Variants in ADGRL2 observed in about 807,000 individuals in gnomAD.
ADGRL2 encodes adhesion G protein-coupled receptor L2, also known as calcium-independent alpha-latrotoxin receptor 2.
Under a neutral mutation model 157.4 loss-of-function variants are expected in ADGRL2, and 44 were observed. The ratio of observed to expected loss-of-function variants is 0.28; its 90% CI spans 0.22 to 0.36. The LOEUF is 0.36. Ranked by LOEUF, ADGRL2 falls within the 10% of genes least tolerant of loss-of-function variation. ADGRL2 has a pLI of 1.00. For missense variants in ADGRL2, 1,510 were observed against 1,768.9 expected (o/e 0.85, Z 2.63); for synonymous variants, 585 against 624.7 (o/e 0.94, Z 0.95).
intron 2 of ADGRL2, among the ~76,000 whole-genome samples, chr1:81,524,037 C>A (rs1214225347): frequency 2.0e-5 from 3 of 151,036 alleles, no homozygotes; most frequent in Non-Finnish European, 4.4e-5. Flanking sequence ...TGCACTCCAG[C>A]TGGGTGACGG....
At chr1:81,490,454 A>G (rs2078607858) in intron 2 of ADGRL2, among the ~76,000 whole-genome samples, 1 of 152,160 alleles carries the variant, frequency 6.6e-6, no homozygotes, top group Admixed American at 6.6e-5. Flanking sequence ...CCTAAAAATT[A>G]TTAGAAAAAG....
chr1:81,966,676 G>C (rs1189840254), intron 13 of ADGRL2, 67 bp downstream of exon 13: 48 of 1,380,784 alleles, frequency 3.5e-5, no homozygotes, highest in Non-Finnish European at 4.9e-5. Flanking sequence ...AAGCAAAACT[G>C]AGGTGCTGGG....
intron 2 of ADGRL2, among the ~76,000 whole-genome samples, chr1:81,777,341 T>C (rs1413277693): frequency 6.6e-6 from 1 of 152,250 alleles, no homozygotes; most frequent in African/African-American, 2.4e-5. Flanking sequence ...TCCTCATTTT[T>C]TCCCCCAGGA....
At chr1:81,948,918 A>G (rs1049325511) in intron 6 of ADGRL2, among the ~76,000 whole-genome samples, 1 of 152,210 alleles carries the variant, frequency 6.6e-6, no homozygotes, top group Non-Finnish European at 1.5e-5. Context: ...ATGTCACACT[A>G]CTTTTTCGTA....
intron 1 of ADGRL2, among the ~76,000 whole-genome samples, chr1:81,397,980 ATATATCTGGTGCTTG>A (rs1285034603): frequency 6.6e-6 from 1 of 152,128 alleles, no homozygotes; most frequent in Non-Finnish European, 1.5e-5. Context: ...CATTTGTTTT[ATATATCTGGTGCTTG>A]GCTTCGGGGT....
chr1:81,414,198 T>C (rs948577631), intron 1 of ADGRL2: 2 of 152,092 alleles, frequency 1.3e-5, no homozygotes, highest in Admixed American at 1.3e-4. Context: ...TCCCTTTAAC[T>C]CCTGAAGACA....
chr1:81,645,319 G>C (rs1323350237), intron 3 of ADGRL2, among the ~76,000 whole-genome samples: 2 of 148,228 alleles, frequency 1.3e-5, no homozygotes, highest in South Asian at 4.2e-4. Context: ...TTGAGGCCAG[G>C]AGTTGGAGGT....
At chr1:81,827,608 T>C (rs544259804) in intron 1 of ADGRL2, among the ~76,000 whole-genome samples, 2 of 152,322 alleles carry the variant, frequency 1.3e-5, no homozygotes, top group South Asian at 4.1e-4. Flanking sequence ...CTTCGTCACC[T>C]GGGCTGGATT....
At chr1:81,548,783 A>G (rs952696754) in intron 2 of ADGRL2, among the ~76,000 whole-genome samples, 2 of 152,182 alleles carry the variant, frequency 1.3e-5, no homozygotes, top group African/African-American at 4.8e-5. Flanking sequence ...GTGAGTCCCA[A>G]ATTCTTGAAT....
rs533654243 is a variant in ADGRL2, at chr1:81,721,034, C to CTT, written c.-143+21242_-143+21243dup. ...AACTATATAAAATTTAAACAATTTC[C>CTT]TTTTTTTTTTTTTTTTTAATAGAGC... On this transcript the variant is annotated intron_variant, in intron 1 of 20. Transcript: ENST00000359929. Among the ~76,000 whole-genome samples, 644 of 133,208 alleles carry CTT rather than the reference C, an allele frequency of 4.8e-3. 5 individuals carry two copies. The highest frequency in any genetic ancestry group is 0.015 in the African/African-American group (526 of 36,018). 87.4% of individuals were successfully genotyped at this position (133,208 alleles called of 152,430 possible). A position where few individuals can be genotyped will look rare whatever the true frequency, so the allele number is the denominator to read the frequency against.
rs146342693 is a variant in ADGRL2 at position 81,427,750 on chromosome 1, G to T, written c.-301-17286G>T. 2.1e-3 allele frequency: 762 copies of T among 367,096 alleles called. 3 individuals carry two copies. The highest frequency in any genetic ancestry group is 0.014 in the African/African-American group (661 of 48,252). 22.7% of individuals were successfully genotyped at this position (367,096 alleles called of 1,614,324 possible). A position where few individuals can be genotyped will look rare whatever the true frequency, so the allele number is the denominator to read the frequency against. On this transcript the variant is annotated intron_variant, in intron 1 of 24. Transcript: ENST00000370721. Reference sequence around the variant, plus strand: ...CTGCCAGAGGGAACAATGATCCATAGTCAGAAAAGTTACTGCAGCTTAAAC... The same window carrying T: ...CTGCCAGAGGGAACAATGATCCATATTCAGAAAAGTTACTGCAGCTTAAAC...
At chr1:81,576,037 A>C (rs369681320) in intron 2 of ADGRL2, among the ~76,000 whole-genome samples, 14 of 152,112 alleles carry the variant, frequency 9.2e-5, no homozygotes, top group African/African-American at 3.4e-4. Flanking sequence ...GGGATTTAAA[A>C]ATTGATGGAA....
intron 3 of ADGRL2, among the ~76,000 whole-genome samples, chr1:81,644,680 G>A (rs1254350338): frequency 2.0e-5 from 3 of 152,110 alleles, no homozygotes; most frequent in African/African-American, 7.2e-5. Context: ...AAAATCAAGA[G>A]TGAACCCTAA....
At position 81,801,068 on chromosome 1, in the gene ADGRL2, C is replaced by G. The variant is rs925684737; in HGVS notation, c.-101C>G. Reference sequence around the variant, plus strand: ...CACCGCCGTCCGAAGGGCTCGAGCCCGTAAGTATCCCCTTTCGCTCCTCCT... The same window carrying G: ...CACCGCCGTCCGAAGGGCTCGAGCCGGTAAGTATCCCCTTTCGCTCCTCCT... On this transcript the variant is annotated splice_region_variant and 5_prime_UTR_variant, in exon 1 of 24. Transcript: ENST00000686636. 6.6e-6 allele frequency among the ~76,000 whole-genome samples: 1 copy of G among 151,884 alleles called. No homozygotes were observed. Among genetic ancestry groups the G allele is most frequent in the South Asian group, 2.1e-4 (1 of 4,830 alleles).
At position 81,498,754 on chromosome 1, in the gene ADGRL2, C is replaced by G. The variant is rs146729420; in HGVS notation, c.-248+53665C>G. Among the ~76,000 whole-genome samples, 1,230 of 152,074 alleles carry G rather than the reference C, an allele frequency of 8.1e-3. 18 individuals are homozygous for G. The highest frequency in any genetic ancestry group is 0.029 in the African/African-American group (1,188 of 41,456). On this transcript the variant is annotated intron_variant, in intron 2 of 24. Coordinates refer to the ADGRL2 transcript ENST00000370721. ...TCCAGTTTAAAAAGAAAAATAAACT[C>G]ACCAAAACACCATTCAACTTACATT...
intron 2 of ADGRL2, among the ~76,000 whole-genome samples, chr1:81,888,633 G>A (rs986283694): frequency 3.3e-5 from 5 of 151,978 alleles, no homozygotes; most frequent in Non-Finnish European, 4.4e-5. Flanking sequence ...TAGTAGAGAC[G>A]GGGTTTCACC....
chr1:81,690,426 G>A (rs150381167), intron 3 of ADGRL2, among the ~76,000 whole-genome samples: 49 of 152,290 alleles, frequency 3.2e-4, no homozygotes, highest in African/African-American at 1.2e-3. Context: ...AACCCCGGAG[G>A]TGGAGATTGC....
chr1:81,358,689 T>C (rs941628578), intron 1 of ADGRL2, among the ~76,000 whole-genome samples: 9 of 152,162 alleles, frequency 5.9e-5, no homozygotes, highest in African/African-American at 2.2e-4. Flanking sequence ...CCAAAATTCT[T>C]GTCACTTTGG....
intron 1 of ADGRL2, among the ~76,000 whole-genome samples, chr1:81,345,176 T>C (rs975050972): frequency 6.6e-6 from 1 of 152,346 alleles, no homozygotes; most frequent in Non-Finnish European, 1.5e-5. Flanking sequence ...TGACCCAGCC[T>C]TAGAACTCAC....
Sources: gnomAD v4.1 joint callset for allele counts (sites outside exome capture counted in the v4.1 genomes callset) on GRCh38, gnomAD v4.1.1 for gene constraint, MANE v1.5 for transcripts, NCBI Gene and HGNC (gene_info 2026-07-23, HGNC 2026-07-21) for gene names.